The following SLC12A7 variants were observed in gnomAD, a reference collection of about 807,000 sequenced individuals.
SLC12A7 encodes K-Cl cotransporter 4.
Under a neutral mutation model 120.6 loss-of-function variants are expected in SLC12A7, and 100 were observed. The ratio of observed to expected loss-of-function variants is 0.83; its 90% CI spans 0.71 to 0.98. The LOEUF (loss-of-function observed/expected upper bound fraction) is 0.98. Among genes scored for constraint, SLC12A7 ranks in the 50% least tolerant of loss-of-function variants. SLC12A7 has a pLI of 0.00. For synonymous variants in SLC12A7, 760 were observed against 678.0 expected, an observed-to-expected ratio of 1.12 and a Z score of -1.88; for missense variants, 1,373 against 1,548.1, an observed-to-expected ratio of 0.89 and a Z score of 1.90.
At chr5:1,114,826 G>A (rs948942394), upstream of SLC12A7, among the ~76,000 whole-genome samples, 1 of 152,198 alleles carries the variant, frequency 6.6e-6, no homozygotes, top group South Asian at 2.1e-4. Context: ...GTTGGTGCTT[G>A]ATGTCTGAAT....
chr5:1,118,525 G>A, the SLC12A7 span, among the ~76,000 whole-genome samples: 1 of 152,208 alleles, frequency 6.6e-6, no homozygotes, highest in African/African-American at 2.4e-5. Flanking sequence ...TCGCGCCCTC[G>A]CCAGACACAG....
Position 1,086,993 on chromosome 5 carries a change from G to A in SLC12A7, c.585C>T (p.Pro195=), listed in dbSNP as rs751501000. The A allele has an allele frequency of 2.0e-5, 32 of 1,612,676 alleles. 2 individuals are homozygous for A. The highest frequency in any genetic ancestry group is 1.5e-4 in the South Asian group (14 of 91,078). Residue 195 remains proline (P), a synonymous_variant, in exon 6 of 24, where the codon CCC becomes CCT. Coordinates refer to ENST00000264930, the MANE Select transcript of SLC12A7 (RefSeq NM_006598.3). Reference sequence around the variant, plus strand: ...AGAGGCCGACAGCGCCTCCAAACTCGGGTCCCAGCGAGCGCGATATCATGT... The same window carrying A: ...AGAGGCCGACAGCGCCTCCAAACTCAGGTCCCAGCGAGCGCGATATCATGT... ...SYYMISRSLG[P]EFGGAVGLCF...
chr5:1,098,906 G>C (rs1175132901), intron 1 of SLC12A7, among the ~76,000 whole-genome samples: 1 of 151,906 alleles, frequency 6.6e-6, no homozygotes, highest in Non-Finnish European at 1.5e-5. Context: ...AGCCCTGCCT[G>C]TGTTTTGGGG....
At chr5:1,119,351 A>AAT in the SLC12A7 span, among the ~76,000 whole-genome samples, 1 of 152,144 alleles carries the variant, frequency 6.6e-6, no homozygotes, top group African/African-American at 2.4e-5. Context: ...AGCACTCGTT[A>AAT]AAGGTGAGGA....
rs1736921051 is a variant in SLC12A7 at position 1,065,308 on chromosome 5, G to A, written c.2412C>T (p.Asn804=). The change falls in exon 18 of 24, where the codon AAC becomes AAT. Residue 804 remains asparagine (N), a synonymous_variant. Coordinates refer to ENST00000264930, the MANE Select transcript of SLC12A7 (RefSeq NM_006598.3). ...CCACAAAGTTCTTCCAGGAGAAGGGGTTGTCCTCCTGCTTCCAGGATGCGG... is the reference window on the plus strand; with the variant it reads ...CCACAAAGTTCTTCCAGGAGAAGGGATTGTCCTCCTGCTTCCAGGATGCGG... ...AWPASWKQED[N]PFSWKNFVDT... is the part of the protein sequence containing the mutation. 1.9e-6 allele frequency: 3 copies of A among 1,579,740 alleles called. No homozygotes were observed. Among genetic ancestry groups the A allele is most frequent in the Non-Finnish European group, 1.7e-6 (2 of 1,160,700 alleles).
intron 3 of SLC12A7, among the ~76,000 whole-genome samples, chr5:1,092,101 T>C (rs748065047): frequency 1.3e-5 from 2 of 152,264 alleles, no homozygotes; most frequent in Non-Finnish European, 2.9e-5. Context: ...GTCCCTCGTC[T>C]CCGGTTACTT....
intron 3 of SLC12A7, among the ~76,000 whole-genome samples, chr5:1,092,954 C>T (rs1740686846): frequency 1.3e-5 from 2 of 152,166 alleles, no homozygotes. Context: ...TACAGGACGG[C>T]AGAACCCTCC....
chr5:1,113,570 G>C (rs1166988882), upstream of SLC12A7, among the ~76,000 whole-genome samples: 1 of 152,200 alleles, frequency 6.6e-6, no homozygotes, highest in Non-Finnish European at 1.5e-5. Flanking sequence ...GGTGTCTGGA[G>C]CTGTGCCTGC....
At chr5:1,128,738 CGTGT>C in the SLC12A7 span, among the ~76,000 whole-genome samples, 2 of 152,134 alleles carry the variant, frequency 1.3e-5, no homozygotes, top group Non-Finnish European at 2.9e-5. Flanking sequence ...TGTATGTGTG[CGTGT>C]GTGTGTGCAT....
chr5:1,075,501 G>C lies in SLC12A7; in HGVS notation c.1848-11C>G. 6.2e-7 allele frequency: 1 copy of C among 1,607,664 alleles called. No individual in the cohort carries two copies. The highest frequency in any genetic ancestry group is 1.1e-5 in the South Asian group (1 of 90,884). On this transcript the variant is annotated splice_polypyrimidine_tract_variant and intron_variant, in intron 14 of 23. Coordinates refer to ENST00000264930, the MANE Select transcript of SLC12A7 (RefSeq NM_006598.3). ...AGAAAGGACAGGGTCCTGGGGGCGG[G>C]GCAAGTGGCTCGGGGCGGCCCAACG...
chr5:1,121,095 G>A, the SLC12A7 span, among the ~76,000 whole-genome samples: 2 of 152,304 alleles, frequency 1.3e-5, no homozygotes, highest in East Asian at 3.9e-4. Context: ...CCTGCTGCCC[G>A]CCACCGTTCC....
chr5:1,146,578 G>A, the SLC12A7 span, among the ~76,000 whole-genome samples: 4 of 152,196 alleles, frequency 2.6e-5, no homozygotes, highest in East Asian at 1.9e-4. The surrounding 1 kb of genome is among the most constrained non-coding windows in gnomAD (Gnocchi z 6.5). Flanking sequence ...GACGGGAAGC[G>A]GTGGTCGGCC....
At chr5:1,130,439 A>G in the SLC12A7 span, among the ~76,000 whole-genome samples, 4 of 143,380 alleles carry the variant, frequency 2.8e-5, no homozygotes, top group African/African-American at 1.0e-4. Flanking sequence ...GAGAGGCTGA[A>G]TGAAAGCCCC....
chr5:1,098,157 G>A (rs1283245222), intron 1 of SLC12A7, among the ~76,000 whole-genome samples: 6 of 43,830 alleles, frequency 1.4e-4, no homozygotes, highest in East Asian at 6.1e-4. Context: ...CCCTCTGCAA[G>A]CCCAGCCCCC....
chr5:1,124,854 G>A, the SLC12A7 span, among the ~76,000 whole-genome samples: 24 of 152,268 alleles, frequency 1.6e-4, no homozygotes, highest in South Asian at 1.2e-3. Context: ...TGCACTAACC[G>A]GAGCGAGGCG....
the SLC12A7 span, among the ~76,000 whole-genome samples, chr5:1,149,310 C>T: frequency 6.6e-6 from 1 of 152,346 alleles, no homozygotes; most frequent in South Asian, 2.1e-4. Flanking sequence ...GGCGCGGCGG[C>T]TCACACCTGT....
the SLC12A7 span, among the ~76,000 whole-genome samples, chr5:1,123,284 A>G: frequency 6.6e-6 from 1 of 152,228 alleles, no homozygotes; most frequent in East Asian, 1.9e-4. Flanking sequence ...AGCCGCATAG[A>G]GAGGCATGCT....
chr5:1,112,361 C>G (rs1447670061), upstream of SLC12A7, among the ~76,000 whole-genome samples: 2 of 49,762 alleles, frequency 4.0e-5, 1 homozygote, highest in Admixed American at 3.1e-4. Context: ...GCCCCCTCCC[C>G]GCCTCCCCTC....
Position 1,050,499 on chromosome 5 carries a change from C to CAAAGG in SLC12A7, c.*1856_*1860dup, listed in dbSNP as rs113560520. The CAAAGG allele has an allele frequency of 1.2e-3, 268 of 221,916 alleles. 1 individual carries two copies. Among genetic ancestry groups the CAAAGG allele is most frequent in the African/African-American group, 5.7e-3 (254 of 44,230 alleles). 13.7% of individuals were successfully genotyped at this position (221,916 alleles called of 1,614,324 possible). ...TACTGGTTACACGGAGTTGACAACA[C>CAAAGG]AAAGGATGCCTGGTGCTTGCGTGCA... On this transcript the variant is annotated 3_prime_UTR_variant, in exon 24 of 24. Coordinates refer to ENST00000264930, the MANE Select transcript of SLC12A7 (RefSeq NM_006598.3).
Sources: allele counts gnomAD v4.1 joint callset (sites outside exome capture counted in the v4.1 genomes callset), GRCh38; gene constraint gnomAD v4.1.1; non-coding constraint Gnocchi (gnomAD v3.1); transcripts MANE v1.5; gene names NCBI Gene and HGNC (gene_info 2026-07-23, HGNC 2026-07-21).